VPS13B: variants seen among roughly 807,000 people sequenced by gnomAD.
VPS13B encodes the protein vacuolar protein sorting 13 homolog B, also known as intermembrane lipid transfer protein VPS13B.
In VPS13B, 285 loss-of-function variants were observed where a neutral mutation model predicts 426.4. That is an observed-to-expected ratio of 0.67 (90% confidence interval 0.61 to 0.74). The LOEUF is 0.74. VPS13B is among the 30% of genes least tolerant of loss of function. The pLI is 0.00. For synonymous variants in VPS13B, 1,676 were observed against 1,676.4 expected, an observed-to-expected ratio of 1.00 and a Z score of 0.01; for missense variants, 4,537 against 4,782.6, an observed-to-expected ratio of 0.95 and a Z score of 1.51.
At chr8:99,056,029 C>A (rs999108170) in intron 3 of VPS13B, among the ~76,000 whole-genome samples, 1 of 151,330 alleles carries the variant, frequency 6.6e-6, no homozygotes, top group Non-Finnish European at 1.5e-5. Context: ...GTATGAGCCA[C>A]CATGCTTAGC....
At chr8:99,060,271 T>C (rs1168753878) in intron 3 of VPS13B, among the ~76,000 whole-genome samples, 1 of 152,126 alleles carries the variant, frequency 6.6e-6, no homozygotes, top group Non-Finnish European at 1.5e-5. Context: ...TTTAGTTAGC[T>C]ATTTGGGAGA....
intron 17 of VPS13B, among the ~76,000 whole-genome samples, chr8:99,248,333 G>A (rs935005930): frequency 1.3e-5 from 2 of 151,982 alleles, no homozygotes; most frequent in African/African-American, 2.4e-5. Flanking sequence ...TTCTTTCAAT[G>A]TATACATATA....
intron 33 of VPS13B, among the ~76,000 whole-genome samples, chr8:99,606,663 CTT>C (rs1414626239): frequency 8.3e-6 from 1 of 120,330 alleles, no homozygotes; most frequent in Non-Finnish European, 1.6e-5. Context: ...GAGTTTCACT[CTT>C]GTTTCCCAGG....
chr8:99,616,019 T>G (rs1442933236), intron 33 of VPS13B, among the ~76,000 whole-genome samples: 1 of 152,116 alleles, frequency 6.6e-6, no homozygotes, highest in Non-Finnish European at 1.5e-5. Flanking sequence ...TAAAATGAGT[T>G]AAAAATCTCC....
At chr8:99,453,299 T>G (rs1818289071) in intron 23 of VPS13B, among the ~76,000 whole-genome samples, 1 of 152,224 alleles carries the variant, frequency 6.6e-6, no homozygotes, top group African/African-American at 2.4e-5. Flanking sequence ...CTTTCCAGTT[T>G]CACTTAGTGT....
intron 19 of VPS13B, among the ~76,000 whole-genome samples, chr8:99,330,295 G>T (rs189346227): frequency 1.4e-4 from 22 of 151,764 alleles, no homozygotes; most frequent in African/African-American, 4.8e-4. Flanking sequence ...ATTATATTAT[G>T]CCATTCATAG....
At chr8:99,655,333 T>TA (rs1046437276) in intron 34 of VPS13B, among the ~76,000 whole-genome samples, 11 of 152,326 alleles carry the variant, frequency 7.2e-5, no homozygotes, top group Middle Eastern at 3.4e-3. Context: ...CCAAGTGTCA[T>TA]AAAAATCTGT....
At chr8:99,744,220 GCTC>G (rs769772627) in intron 39 of VPS13B, among the ~76,000 whole-genome samples, 167 of 152,306 alleles carry the variant, frequency 1.1e-3, no homozygotes, top group Non-Finnish European at 1.9e-3. Flanking sequence ...ATGAAAAAAT[GCTC>G]ATCATCACTG....
intron 17 of VPS13B, among the ~76,000 whole-genome samples, chr8:99,212,675 C>G (rs1429472156): frequency 5.3e-5 from 3 of 56,340 alleles, no homozygotes; most frequent in Admixed American, 2.7e-4. Flanking sequence ...CTTCTTCTTC[C>G]TTAGTGCTGC....
chr8:99,201,242 A>T (rs1255682965), intron 17 of VPS13B, among the ~76,000 whole-genome samples: 1 of 152,126 alleles, frequency 6.6e-6, no homozygotes, highest in Non-Finnish European at 1.5e-5. Context: ...CTGATTTCTG[A>T]TATTCTTATA....
chr8:99,763,751 A>G (rs1811064809), intron 39 of VPS13B, among the ~76,000 whole-genome samples: 3 of 152,198 alleles, frequency 2.0e-5, no homozygotes, highest in Non-Finnish European at 4.4e-5. Flanking sequence ...TATGTCATGG[A>G]AAGCAAGAAA....
intron 51 of VPS13B, among the ~76,000 whole-genome samples, chr8:99,824,828 T>A (rs1358501673): frequency 6.6e-6 from 1 of 152,134 alleles, no homozygotes; most frequent in Middle Eastern, 3.2e-3. Flanking sequence ...ACATGTGGTG[T>A]TTGGTTTTCT....
intron 19 of VPS13B, among the ~76,000 whole-genome samples, chr8:99,335,252 T>G (rs1810773817): frequency 6.6e-6 from 1 of 152,158 alleles, no homozygotes; most frequent in South Asian, 2.1e-4. Context: ...CTCTCTTTTC[T>G]TCTTTATTAG....
chr8:99,291,933 T>A (rs181489863), intron 19 of VPS13B, among the ~76,000 whole-genome samples: 71 of 152,266 alleles, frequency 4.7e-4, no homozygotes, highest in African/African-American at 1.6e-3. Context: ...TAAGGTAATT[T>A]TTCCTCTACA....
chr8:99,089,805 C>A (rs929664220), intron 3 of VPS13B, among the ~76,000 whole-genome samples: 11 of 152,112 alleles, frequency 7.2e-5, no homozygotes, highest in African/African-American at 2.7e-4. Context: ...GAAAGGGATT[C>A]TCTACAGAAT....
intron 54 of VPS13B, among the ~76,000 whole-genome samples, chr8:99,847,172 G>A (rs1270623256): frequency 6.6e-6 from 1 of 152,120 alleles, no homozygotes; most frequent in African/African-American, 2.4e-5. Flanking sequence ...GGAACAAATA[G>A]GGCAAATTCA....
In VPS13B at chr8:99,199,467, G is replaced by A. The variant is rs529509526; in HGVS notation, c.2515+6410G>A. 3.9e-5 allele frequency among the ~76,000 whole-genome samples: 6 copies of A among 152,102 alleles called. No individual in the cohort carries two copies. The South Asian group carries it at 8.3e-4, about 21-fold the overall frequency. The stretch of plus-strand genomic sequence containing the variant: ...ATTACAGGCATGAGCCACCACACCC[G>A]GCCCAGAACCATAATTTTTAAAGTC... On this transcript the variant is annotated intron_variant, in intron 17 of 61. Coordinates refer to ENST00000357162, the MANE Select transcript of VPS13B (RefSeq NM_152564.5).
chr8:99,788,550 A>T (rs1812386427), intron 43 of VPS13B, among the ~76,000 whole-genome samples: 1 of 152,142 alleles, frequency 6.6e-6, no homozygotes, highest in African/African-American at 2.4e-5. Context: ...AAAGGGCCAG[A>T]TAGTAAATAT....
chr8:99,696,623 G>A, intron 35 of VPS13B: 1 of 671,798 alleles, frequency 1.5e-6, no homozygotes, highest in Non-Finnish European at 2.8e-6. Flanking sequence ...AGGAGCTTCG[G>A]GTCAACCTGG....
Sources: allele counts gnomAD v4.1 joint callset (sites outside exome capture counted in the v4.1 genomes callset), GRCh38; gene constraint gnomAD v4.1.1; transcripts MANE v1.5; gene names NCBI Gene and HGNC (gene_info 2026-07-23, HGNC 2026-07-21).